CTNNA2: variants seen among roughly 807,000 people sequenced by gnomAD.
The protein encoded by CTNNA2 is catenin alpha-2.
Under a neutral mutation model 101.0 loss-of-function variants are expected in CTNNA2, and 42 were observed. That is an observed-to-expected ratio of 0.42 (90% CI 0.32 to 0.54). CTNNA2 has a LOEUF of 0.54. Among genes scored for constraint, CTNNA2 ranks in the 20% least tolerant of loss-of-function variants. CTNNA2 has a pLI of 0.14. For synonymous variants in CTNNA2, 450 were observed against 456.4 expected, an observed-to-expected ratio of 0.99 and a Z score of 0.18; for missense variants, 871 against 1,223.1, an observed-to-expected ratio of 0.71 and a Z score of 4.29.
At chr2:80,231,972 T>C (rs1709240551) in intron 7 of CTNNA2, among the ~76,000 whole-genome samples, 2 of 152,164 alleles carry the variant, frequency 1.3e-5, no homozygotes, top group Non-Finnish European at 2.9e-5. Flanking sequence ...AATAAGACCC[T>C]TGGTCTCCAC....
chr2:79,943,925 A>G lies in CTNNA2; in HGVS notation c.1056+34128A>G, dbSNP rs139729468. On this transcript the variant is annotated intron_variant, in intron 7 of 18. Coordinates refer to ENST00000402739, the MANE Select transcript of CTNNA2 (RefSeq NM_001282597.3). ...TATATAATCATAATGTGTTAGTTCT[A>G]GTATAATCCATGTAGATATAATATA... 1.3e-3 allele frequency among the ~76,000 whole-genome samples: 197 copies of G among 152,356 alleles called. 1 individual carries two copies. The highest frequency in any genetic ancestry group is 4.4e-3 in the African/African-American group (183 of 41,592).
intron 7 of CTNNA2, among the ~76,000 whole-genome samples, chr2:80,136,343 T>C (rs1702694468): frequency 6.6e-6 from 1 of 152,130 alleles, no homozygotes; most frequent in South Asian, 2.1e-4. Context: ...AAAATGAGGA[T>C]TTGGATTAGA....
At chr2:79,203,451 A>C (rs994290546) in intron 2 of CTNNA2, among the ~76,000 whole-genome samples, 1 of 152,170 alleles carries the variant, frequency 6.6e-6, no homozygotes, top group Non-Finnish European at 1.5e-5. Context: ...ATGGAGGGAA[A>C]AAGACTTTTT....
intron 7 of CTNNA2, among the ~76,000 whole-genome samples, chr2:79,971,921 T>C (rs1354928885): frequency 1.3e-5 from 2 of 152,168 alleles, no homozygotes; most frequent in African/African-American, 4.8e-5. Flanking sequence ...GCTGGCTCAG[T>C]TCTCAGCTGG....
intron 1 of CTNNA2, among the ~76,000 whole-genome samples, chr2:79,582,608 A>G (rs1573399885): frequency 1.3e-5 from 2 of 152,104 alleles, no homozygotes; most frequent in Admixed American, 1.3e-4. Context: ...TCAAACCACA[A>G]TTAGATTCTT....
At chr2:79,744,630 A>G (rs775095830) in intron 3 of CTNNA2, 48 bp downstream of exon 3, 1 of 1,494,428 alleles carries the variant, frequency 6.7e-7, no homozygotes, top group Non-Finnish European at 9.0e-7. Flanking sequence ...ACTGATGTGC[A>G]AACAATGGCT....
Position 79,316,665 on chromosome 2 carries a change from A to G in CTNNA2, c.-318+3869A>G, listed in dbSNP as rs1676504770. 2.6e-5 allele frequency among the ~76,000 whole-genome samples: 4 copies of G among 151,870 alleles called. No individual in the cohort carries two copies. In the South Asian group the frequency reaches 8.3e-4, roughly 32 times the overall value. On this transcript the variant is annotated intron_variant, in intron 3 of 21. Coordinates refer to the CTNNA2 transcript ENST00000466387. Reference sequence around the variant, plus strand: ...TAAATTTATTCCTAAACATTTTACTATTTTTAATATAATTATAAATTGAAT... The same window carrying G: ...TAAATTTATTCCTAAACATTTTACTGTTTTTAATATAATTATAAATTGAAT...
intron 7 of CTNNA2, among the ~76,000 whole-genome samples, chr2:80,189,768 AAC>A (rs1017974675): frequency 1.3e-5 from 2 of 151,906 alleles, no homozygotes; most frequent in African/African-American, 2.4e-5. Flanking sequence ...ACAAAACAAA[AAC>A]ACACACACAC....
intron 3 of CTNNA2, among the ~76,000 whole-genome samples, chr2:79,789,931 G>C (rs1477932387): frequency 6.6e-6 from 1 of 152,154 alleles, no homozygotes; most frequent in Non-Finnish European, 1.5e-5. Flanking sequence ...TTTGGCCTAG[G>C]ATTTGGCAAT....
chr2:79,388,456 C>G (rs1427688979), intron 4 of CTNNA2, among the ~76,000 whole-genome samples: 1 of 152,130 alleles, frequency 6.6e-6, no homozygotes. Flanking sequence ...ATTTAGTGAA[C>G]AGAATTATTG....
intron 14 of CTNNA2, among the ~76,000 whole-genome samples, chr2:80,582,549 A>C (rs1032552388): frequency 1.3e-5 from 2 of 152,178 alleles, no homozygotes; most frequent in Non-Finnish European, 2.9e-5. Context: ...CTAAATTTGG[A>C]TCAATCTGAT....
At chr2:79,260,615 C>T (rs561247063) in intron 2 of CTNNA2, among the ~76,000 whole-genome samples, 1 of 152,244 alleles carries the variant, frequency 6.6e-6, no homozygotes, top group East Asian at 1.9e-4. Context: ...ACATTACATT[C>T]GTTATCCCCA....
chr2:79,944,391 A>T (rs1328276969), intron 7 of CTNNA2, among the ~76,000 whole-genome samples: 1 of 152,246 alleles, frequency 6.6e-6, no homozygotes, highest in Non-Finnish European at 1.5e-5. Flanking sequence ...ACCCAACTTT[A>T]AAGTGATGAC....
intron 3 of CTNNA2, among the ~76,000 whole-genome samples, chr2:79,783,152 G>C (rs563491330): frequency 6.6e-6 from 1 of 152,148 alleles, no homozygotes; most frequent in Non-Finnish European, 1.5e-5. Context: ...TCTTTAACTT[G>C]CTGAGGGAGA....
chr2:80,044,918 G>A (rs1321721256), intron 7 of CTNNA2, among the ~76,000 whole-genome samples: 1 of 152,138 alleles, frequency 6.6e-6, no homozygotes, highest in Non-Finnish European at 1.5e-5. Flanking sequence ...GTTTCTGACT[G>A]GGAGATATGG....
intron 9 of CTNNA2, among the ~76,000 whole-genome samples, chr2:80,517,851 C>T (rs906207603): frequency 6.6e-6 from 1 of 152,198 alleles, no homozygotes; most frequent in Non-Finnish European, 1.5e-5. Context: ...TGCATGATTA[C>T]TTTACTGATC....
intron 7 of CTNNA2, among the ~76,000 whole-genome samples, chr2:80,331,424 G>A (rs1457554313): frequency 6.6e-6 from 1 of 152,148 alleles, no homozygotes; most frequent in African/African-American, 2.4e-5. Context: ...ACTGATTGCA[G>A]AGATAAGTCG....
chr2:79,711,840 A>T (rs1167877228), intron 2 of CTNNA2, among the ~76,000 whole-genome samples: 2 of 152,188 alleles, frequency 1.3e-5, no homozygotes, highest in Admixed American at 1.3e-4. Flanking sequence ...GTGTTCCCAT[A>T]TAACTTATTT....
At chr2:79,282,418 C>G (rs1293960842) in intron 2 of CTNNA2, among the ~76,000 whole-genome samples, 2 of 152,092 alleles carry the variant, frequency 1.3e-5, no homozygotes, top group Admixed American at 1.3e-4. Context: ...TCCCCCCACC[C>G]TACAACAGTC....
Sources: allele counts gnomAD v4.1 joint callset (sites outside exome capture counted in the v4.1 genomes callset), GRCh38; gene constraint gnomAD v4.1.1; transcripts MANE v1.5; gene names NCBI Gene and HGNC (gene_info 2026-07-23, HGNC 2026-07-21).